Variants in METTL15 observed in about 807,000 individuals in gnomAD.
METTL15 encodes methyltransferase 15, mitochondrial 12S rRNA N4-cytidine, also known as 12S rRNA N(4)-cytidine methyltransferase METTL15.
In METTL15, 34 loss-of-function variants were observed where a neutral mutation model predicts 38.3. The observed-to-expected ratio is 0.89, with a 90% CI of 0.68 to 1.18. The LOEUF (loss-of-function observed/expected upper bound fraction) is 1.18. METTL15 is among the 50% of genes most tolerant of loss of function. The pLI is 0.00. For synonymous variants in METTL15, 162 were observed against 170.9 expected (o/e 0.95, Z 0.41); for missense variants, 438 against 498.4 (o/e 0.88, Z 1.15).
chr11:28,134,020 T>C (rs1849430838), intron 3 of METTL15, among the ~76,000 whole-genome samples: 1 of 152,180 alleles, frequency 6.6e-6, no homozygotes. Flanking sequence ...ACTTCTTTTT[T>C]AATATGGAGG....
chr11:28,351,376 A>T (rs1850040347), intron 3 of METTL15, among the ~76,000 whole-genome samples: 3 of 152,142 alleles, frequency 2.0e-5, no homozygotes, highest in Admixed American at 2.0e-4. Flanking sequence ...TCAGCCTCCC[A>T]AAGTGCTAGG....
chr11:28,403,948 T>C (rs1265757313), intron 5 of METTL15, among the ~76,000 whole-genome samples: 4 of 152,076 alleles, frequency 2.6e-5, no homozygotes, highest in Admixed American at 2.6e-4. Context: ...CTGTGATTTC[T>C]GCTGTTATAC....
At chr11:28,163,551 C>CTG (rs879313889) in intron 3 of METTL15, 286 of 308,446 alleles carry the variant, frequency 9.3e-4, no homozygotes, top group African/African-American at 2.8e-3. Context: ...CTCTCTCTCT[C>CTG]TGTGTGTGTG....
intron 5 of METTL15, among the ~76,000 whole-genome samples, chr11:28,397,499 C>T (rs1480722097): frequency 6.6e-6 from 1 of 152,106 alleles, no homozygotes; most frequent in Non-Finnish European, 1.5e-5. Context: ...TGCTCATCAT[C>T]ACTGGCCATC....
At chr11:28,299,847 TC>T (rs1801121859) in intron 6 of METTL15, among the ~76,000 whole-genome samples, 1 of 152,150 alleles carries the variant, frequency 6.6e-6, no homozygotes, top group South Asian at 2.1e-4. Flanking sequence ...TCCTTACTAT[TC>T]CTAGCATCTG....
intron 5 of METTL15, among the ~76,000 whole-genome samples, chr11:28,390,419 A>G (rs1267487489): frequency 2.0e-5 from 3 of 151,974 alleles, no homozygotes; most frequent in African/African-American, 7.2e-5. Flanking sequence ...GGTGTAAGGA[A>G]GGGATCCAGT....
chr11:28,233,264 AAAG>A (rs1400947760), intron 4 of METTL15, among the ~76,000 whole-genome samples: 1 of 152,110 alleles, frequency 6.6e-6, no homozygotes, highest in Non-Finnish European at 1.5e-5. Flanking sequence ...ATAATAATTA[AAAG>A]AAGACTAAAG....
At chr11:28,246,213 A>G (rs1854503254) in intron 4 of METTL15, among the ~76,000 whole-genome samples, 1 of 152,146 alleles carries the variant, frequency 6.6e-6, no homozygotes, top group Non-Finnish European at 1.5e-5. Flanking sequence ...GCATAAAGAA[A>G]ATATATTTAA....
downstream of METTL15, among the ~76,000 whole-genome samples, chr11:28,334,684 T>C (rs984994639): frequency 6.6e-6 from 1 of 152,176 alleles, no homozygotes; most frequent in Non-Finnish European, 1.5e-5. Context: ...TCAAATCTTA[T>C]CTGTTTATAG....
chr11:28,262,650 C>G (rs1463935563), intron 4 of METTL15, among the ~76,000 whole-genome samples: 1 of 152,102 alleles, frequency 6.6e-6, no homozygotes, highest in Non-Finnish European at 1.5e-5. Flanking sequence ...GATACTGGAT[C>G]CTACTTGCCA....
chr11:28,307,219 T>C (rs1349383287), intron 6 of METTL15, among the ~76,000 whole-genome samples: 2 of 152,020 alleles, frequency 1.3e-5, no homozygotes, highest in Admixed American at 6.6e-5. Flanking sequence ...CAACAAGAAA[T>C]ATTTGCTGAC....
chr11:28,467,442 C>T (rs1851266502), intron 6 of METTL15, among the ~76,000 whole-genome samples: 1 of 152,224 alleles, frequency 6.6e-6, no homozygotes, highest in African/African-American at 2.4e-5. Flanking sequence ...CCTCCTACTC[C>T]ACTCTGCGTG....
intron 4 of METTL15, among the ~76,000 whole-genome samples, chr11:28,238,577 G>T (rs1392748481): frequency 6.6e-6 from 1 of 152,152 alleles, no homozygotes; most frequent in Admixed American, 6.5e-5. Context: ...GCAGTGCCTC[G>T]CCCTGCTTTG....
At chr11:28,183,519 T>C (rs1344608592) in intron 3 of METTL15, among the ~76,000 whole-genome samples, 1 of 151,716 alleles carries the variant, frequency 6.6e-6, no homozygotes, top group African/African-American at 2.4e-5. Context: ...AGATAATCGT[T>C]TGGTTTTTGT....
intron 5 of METTL15, among the ~76,000 whole-genome samples, chr11:28,387,739 T>C (rs1421029395): frequency 6.6e-6 from 1 of 152,072 alleles, no homozygotes; most frequent in Non-Finnish European, 1.5e-5. Context: ...AAAGATGCTG[T>C]AAGAAAAGAA....
chr11:28,390,546 T>A (rs1369023539), intron 5 of METTL15, among the ~76,000 whole-genome samples: 1 of 152,048 alleles, frequency 6.6e-6, no homozygotes, highest in Admixed American at 6.6e-5. Context: ...TGTAGATATG[T>A]AGTGTTATTT....
chr11:28,349,766 G>A (rs75444015), intron 3 of METTL15, among the ~76,000 whole-genome samples: 3,779 of 152,174 alleles, frequency 0.025, 166 homozygotes, highest in African/African-American at 0.086. Context: ...GAAAGTCCTC[G>A]TCAATCTCCA....
At chr11:28,198,760 G>A (rs1296726267) in intron 3 of METTL15, among the ~76,000 whole-genome samples, 1 of 152,072 alleles carries the variant, frequency 6.6e-6, no homozygotes, top group Admixed American at 6.6e-5. Flanking sequence ...TAACTATAAG[G>A]TTGGACTTCT....
At chr11:28,409,239 T>C (rs1850703521) in intron 5 of METTL15, among the ~76,000 whole-genome samples, 2 of 151,344 alleles carry the variant, frequency 1.3e-5, no homozygotes, top group Admixed American at 6.6e-5. Context: ...AAAATTAGCC[T>C]GGCGGGGTGA....
Sources: gnomAD v4.1 joint callset for allele counts (sites outside exome capture counted in the v4.1 genomes callset) on GRCh38, gnomAD v4.1.1 for gene constraint, MANE v1.5 for transcripts, NCBI Gene and HGNC (gene_info 2026-07-23, HGNC 2026-07-21) for gene names.